The following MALRD1 variants were observed in gnomAD, a reference collection of about 807,000 sequenced individuals.
The protein encoded by MALRD1 is MAM and LDL-receptor class A domain-containing protein 1.
In MALRD1, 247 loss-of-function variants were observed where a neutral mutation model predicts 242.1. The observed-to-expected ratio is 1.02, with a 90% CI of 0.92 to 1.13. MALRD1 has a LOEUF of 1.13. MALRD1 is among the 50% of genes most tolerant of loss of function. The pLI is 0.00. For missense variants in MALRD1, 2,989 were observed against 2,533.1 expected (o/e 1.18, Z -3.86); for synonymous variants, 995 against 866.6 (o/e 1.15, Z -2.60).
At chr10:19,359,987 T>G (rs764305318) in intron 26 of MALRD1, among the ~76,000 whole-genome samples, 2 of 152,144 alleles carry the variant, frequency 1.3e-5, no homozygotes. Context: ...ATCTGCATTT[T>G]AAGAACTTAG....
chr10:19,098,161 C>T (rs1055138401), intron 4 of MALRD1, among the ~76,000 whole-genome samples: 8 of 152,108 alleles, frequency 5.3e-5, no homozygotes, highest in Non-Finnish European at 5.9e-5. Flanking sequence ...GAAGGACGCT[C>T]ATGTAACGGT....
chr10:19,393,070 G>T (rs1394663926), intron 28 of MALRD1, among the ~76,000 whole-genome samples: 1 of 152,152 alleles, frequency 6.6e-6, no homozygotes, highest in Non-Finnish European at 1.5e-5. Context: ...CAGGTATTCT[G>T]AAATTAAGTT....
chr10:19,715,289 A>G (rs953042438), intron 38 of MALRD1, among the ~76,000 whole-genome samples: 1 of 151,718 alleles, frequency 6.6e-6, no homozygotes, highest in African/African-American at 2.4e-5. Flanking sequence ...ATAAGAAACT[A>G]AACTAAGAAA....
At chr10:19,134,353 C>A (rs77035233) in intron 9 of MALRD1, among the ~76,000 whole-genome samples, 1 of 152,196 alleles carries the variant, frequency 6.6e-6, no homozygotes, top group African/African-American at 2.4e-5. Context: ...CTATGTACAC[C>A]AAGAAACATA....
At chr10:19,520,784 A>T (rs983693180) in intron 31 of MALRD1, among the ~76,000 whole-genome samples, 1 of 152,080 alleles carries the variant, frequency 6.6e-6, no homozygotes, top group South Asian at 2.1e-4. Context: ...CAGCTGCTCT[A>T]TATTTCTTCA....
intron 8 of MALRD1, among the ~76,000 whole-genome samples, chr10:19,133,313 G>T (rs1210895387): frequency 6.6e-6 from 1 of 152,118 alleles, no homozygotes; most frequent in Non-Finnish European, 1.5e-5. Context: ...GCCTTTGATA[G>T]AATGACCAAA....
At chr10:19,727,239 C>T (rs1009398300) in intron 38 of MALRD1, among the ~76,000 whole-genome samples, 3 of 152,102 alleles carry the variant, frequency 2.0e-5, no homozygotes, top group African/African-American at 7.2e-5. Context: ...ACAAAATATT[C>T]ACCTCGAAGT....
chr10:19,631,769 G>A (rs1839913966), intron 36 of MALRD1, among the ~76,000 whole-genome samples: 1 of 152,142 alleles, frequency 6.6e-6, no homozygotes, highest in Non-Finnish European at 1.5e-5. Flanking sequence ...TCATATGCAT[G>A]TTGCCTGCAT....
chr10:19,636,898 CAA>C (rs5783689), intron 36 of MALRD1, among the ~76,000 whole-genome samples: 5 of 95,284 alleles, frequency 5.2e-5, no homozygotes, highest in Non-Finnish European at 7.0e-5. Flanking sequence ...GACTCTGTCT[CAA>C]AAAAAAAAAA....
In MALRD1 at chr10:19,654,288, G is replaced by C. The variant is rs190223572; in HGVS notation, c.6138-37994G>C. On this transcript the variant is annotated intron_variant, in intron 36 of 39. Transcript: ENST00000454679. ...GAAAGAAAACAATTTTATCAAAAAA[G>C]TGGGGTTTTTTTTAGCATGTCTTAT... Among the ~76,000 whole-genome samples, 1,422 of 147,964 alleles carry C rather than the reference G, an allele frequency of 9.6e-3. 20 individuals carry two copies. Among genetic ancestry groups the C allele is most frequent in the African/African-American group, 0.035 (1,333 of 37,638 alleles).
At chr10:19,610,262 A>G (rs910394574) in intron 35 of MALRD1, among the ~76,000 whole-genome samples, 1 of 151,904 alleles carries the variant, frequency 6.6e-6, no homozygotes, top group Non-Finnish European at 1.5e-5. Flanking sequence ...GTTTTGTAAT[A>G]TACAATATCT....
intron 12 of MALRD1, among the ~76,000 whole-genome samples, chr10:19,162,638 G>T (rs539581534): frequency 1.2e-4 from 19 of 152,158 alleles, no homozygotes; most frequent in African/African-American, 4.3e-4. Context: ...CAGTCAGAAT[G>T]GCCATTATTA....
At chr10:19,548,122 G>T (rs1589227257) in intron 32 of MALRD1, among the ~76,000 whole-genome samples, 1 of 146,814 alleles carries the variant, frequency 6.8e-6, no homozygotes, top group African/African-American at 2.5e-5. Flanking sequence ...GCCTCAGCCT[G>T]CCAAGTAGCT....
intron 29 of MALRD1, among the ~76,000 whole-genome samples, chr10:19,450,741 G>A (rs1758497016): frequency 6.6e-6 from 1 of 152,126 alleles, no homozygotes; most frequent in Non-Finnish European, 1.5e-5. Context: ...TTTTTTCCCT[G>A]TGGTTCTGGA....
chr10:19,142,360 A>G (rs1313423629), intron 10 of MALRD1, among the ~76,000 whole-genome samples: 1 of 152,036 alleles, frequency 6.6e-6, no homozygotes, highest in Admixed American at 6.5e-5. Context: ...TTCCCCATTC[A>G]TTTCCCATAC....
chr10:19,176,172 T>G (rs1447483798), intron 14 of MALRD1, among the ~76,000 whole-genome samples: 1 of 152,068 alleles, frequency 6.6e-6, no homozygotes, highest in Non-Finnish European at 1.5e-5. Flanking sequence ...TCAGACATAC[T>G]GTATATTCCT....
Position 19,472,963 on chromosome 10 carries a change from T to C in MALRD1, c.5030-18554T>C, listed in dbSNP as rs142627862. Among the ~76,000 whole-genome samples, 383 of 151,282 alleles carry C rather than the reference T, an allele frequency of 2.5e-3. 8 individuals carry two copies. In the East Asian group the frequency reaches 0.052, roughly 21 times the overall value. ...ATGAATTTATCTCATATCCTTCGCA[T>C]ATATTTTTTAAATATGCAATTTTAA... On this transcript the variant is annotated intron_variant, in intron 29 of 39. Transcript: ENST00000454679.
intron 31 of MALRD1, among the ~76,000 whole-genome samples, chr10:19,526,837 A>G (rs1048669923): frequency 2.0e-4 from 30 of 152,296 alleles, no homozygotes; most frequent in African/African-American, 6.7e-4. Context: ...TGCAAACATT[A>G]GATTGTATAA....
chr10:19,690,047 T>C (rs532502958), intron 36 of MALRD1, among the ~76,000 whole-genome samples: 1 of 152,208 alleles, frequency 6.6e-6, no homozygotes, highest in Non-Finnish European at 1.5e-5. Flanking sequence ...GATGGCAGGC[T>C]GATACACAAG....
Sources: allele counts gnomAD v4.1 joint callset (sites outside exome capture counted in the v4.1 genomes callset), GRCh38; gene constraint gnomAD v4.1.1; transcripts MANE v1.5; gene names NCBI Gene and HGNC (gene_info 2026-07-23, HGNC 2026-07-21).